Variants in PLXNA4 observed in about 807,000 individuals in gnomAD.
The protein encoded by PLXNA4 is plexin A4, also known as plexin-A4.
In PLXNA4, 44 loss-of-function variants were observed where a neutral mutation model predicts 191.8. The observed-to-expected ratio is 0.23, with a 90% CI of 0.18 to 0.29. PLXNA4 has a LOEUF of 0.29. Ranked by LOEUF, PLXNA4 falls within the 10% of genes least tolerant of loss-of-function variation. The pLI is 1.00. For synonymous variants in PLXNA4, 1,082 were observed against 1,009.5 expected (o/e 1.07, Z -1.36); for missense variants, 1,800 against 2,488.8 (o/e 0.72, Z 5.89).
intron 9 of PLXNA4, among the ~76,000 whole-genome samples, chr7:132,222,412 G>A (rs1190714933): frequency 1.3e-5 from 2 of 152,224 alleles, no homozygotes; most frequent in African/African-American, 2.4e-5. Context: ...AGTGGGGTAT[G>A]AGTCTGGGAT....
At chr7:132,192,697 A>C (rs1797130882) in intron 14 of PLXNA4, among the ~76,000 whole-genome samples, 1 of 152,156 alleles carries the variant, frequency 6.6e-6, no homozygotes, top group African/African-American at 2.4e-5. Flanking sequence ...AATCATGAGG[A>C]AATTATACCA....
At chr7:132,265,691 A>C (rs1199774283) in intron 4 of PLXNA4, among the ~76,000 whole-genome samples, 1 of 152,214 alleles carries the variant, frequency 6.6e-6, no homozygotes, top group African/African-American at 2.4e-5. Flanking sequence ...AGACCCTAGC[A>C]GATACACATG....
At chr7:132,584,122 G>A (rs183658904) in intron 2 of PLXNA4, among the ~76,000 whole-genome samples, 1 of 152,194 alleles carries the variant, frequency 6.6e-6, no homozygotes, top group Non-Finnish European at 1.5e-5. Context: ...GGCCTGCCCA[G>A]TTCTCAAATG....
At chr7:132,335,458 T>C (rs554825801) in intron 3 of PLXNA4, among the ~76,000 whole-genome samples, 1 of 152,330 alleles carries the variant, frequency 6.6e-6, no homozygotes, top group South Asian at 2.1e-4. Flanking sequence ...TCACTAGAGT[T>C]CATTCTCCTT....
intron 4 of PLXNA4, among the ~76,000 whole-genome samples, chr7:132,279,636 G>C (rs73157254): frequency 0.022 from 3,377 of 152,032 alleles, 57 homozygotes; most frequent in Middle Eastern, 0.041. Context: ...CTCTGTCTCA[G>C]CGAAGAAAAA....
chr7:132,497,183 T>G (rs1363177856), intron 2 of PLXNA4, among the ~76,000 whole-genome samples: 2 of 151,908 alleles, frequency 1.3e-5, no homozygotes, highest in Non-Finnish European at 2.9e-5. Context: ...ACACCTCCAC[T>G]GGAAATGGGG....
At position 132,330,677 on chromosome 7, in the gene PLXNA4, G is replaced by A. The variant is rs988576264; in HGVS notation, c.1372-32455C>T. Reference sequence around the variant, plus strand: ...AACTCTTAGGGAAATGACATGGCTGGTCAATGGCTGAGTGTCCCAGCTGTG... The same window carrying A: ...AACTCTTAGGGAAATGACATGGCTGATCAATGGCTGAGTGTCCCAGCTGTG... On this transcript the variant is annotated intron_variant, in intron 3 of 31. Transcript: ENST00000321063. Among the ~76,000 whole-genome samples, 11 of 152,290 alleles carry A rather than the reference G, an allele frequency of 7.2e-5. No individual in the cohort carries two copies. The South Asian group carries it at 2.1e-3, about 29-fold the overall frequency.
chr7:132,524,505 A>G (rs554712947), intron 1 of PLXNA4, among the ~76,000 whole-genome samples: 2 of 152,344 alleles, frequency 1.3e-5, no homozygotes, highest in Admixed American at 1.3e-4. Flanking sequence ...ATTATATAAA[A>G]CAGTGAAGGG....
At chr7:132,252,310 T>TTTTTTG (rs1799280091) in intron 4 of PLXNA4, among the ~76,000 whole-genome samples, 1 of 116,128 alleles carries the variant, frequency 8.6e-6, no homozygotes, top group African/African-American at 3.8e-5. Context: ...TTTTTTTTTT[T>TTTTTTG]TTTTTTTTTT....
chr7:132,517,210 G>A (rs1798976561), intron 1 of PLXNA4, among the ~76,000 whole-genome samples: 2 of 152,218 alleles, frequency 1.3e-5, no homozygotes, highest in South Asian at 4.1e-4. Flanking sequence ...TATGAAGTCA[G>A]TGAGAGGTGG....
intron 3 of PLXNA4, among the ~76,000 whole-genome samples, chr7:132,416,679 A>C (rs956070226): frequency 3.9e-5 from 6 of 152,236 alleles, no homozygotes; most frequent in Non-Finnish European, 7.3e-5. Flanking sequence ...CAAGAATGAG[A>C]CATTGAACAT....
intron 4 of PLXNA4, among the ~76,000 whole-genome samples, chr7:132,245,334 T>C (rs1352606004): frequency 6.6e-6 from 1 of 152,014 alleles, no homozygotes; most frequent in African/African-American, 2.4e-5. Flanking sequence ...CTAGCAAAGG[T>C]GTTGATTGAT....
intron 1 of PLXNA4, among the ~76,000 whole-genome samples, chr7:132,550,960 C>A (rs969317644): frequency 6.6e-6 from 1 of 152,232 alleles, no homozygotes; most frequent in Non-Finnish European, 1.5e-5. Flanking sequence ...CATTCTCTCC[C>A]TTTGCTAGAG....
Position 132,227,620 on chromosome 7 carries a change from C to G in PLXNA4, c.1729-16G>C. 6.2e-7 allele frequency: 1 copy of G among 1,613,114 alleles called. No homozygotes were observed. Among genetic ancestry groups the G allele is most frequent in the South Asian group, 1.1e-5 (1 of 91,016 alleles). On this transcript the variant is annotated splice_polypyrimidine_tract_variant and intron_variant, in intron 6 of 31. Transcript: ENST00000321063. The stretch of plus-strand genomic sequence containing the variant: ...CCAGGACCAGCTGTGAACAGCCAGG[C>G]GGGGGGAGAGAAGGAGGAGGGTGAA...
chr7:132,500,585 A>G (rs919336237), intron 2 of PLXNA4, among the ~76,000 whole-genome samples: 1 of 152,158 alleles, frequency 6.6e-6, no homozygotes, highest in African/African-American at 2.4e-5. Flanking sequence ...CAAATCTCTC[A>G]AAAGCAGGTA....
intron 3 of PLXNA4, among the ~76,000 whole-genome samples, chr7:132,302,636 T>A (rs1801350289): frequency 6.6e-6 from 1 of 151,128 alleles, no homozygotes; most frequent in Non-Finnish European, 1.5e-5. Flanking sequence ...GAAGCCATCA[T>A]CTTGGTCAAG....
chr7:132,419,723 G>A (rs887778692), intron 3 of PLXNA4, among the ~76,000 whole-genome samples: 2 of 152,074 alleles, frequency 1.3e-5, no homozygotes, highest in Non-Finnish European at 2.9e-5. Flanking sequence ...TTCTGTAAAG[G>A]CCAGATAAGA....
At chr7:132,345,396 C>T (rs1329465827) in intron 3 of PLXNA4, among the ~76,000 whole-genome samples, 1 of 152,188 alleles carries the variant, frequency 6.6e-6, no homozygotes, top group Non-Finnish European at 1.5e-5. Context: ...TCATTCTTGC[C>T]TATTTCCTAA....
chr7:132,411,050 G>A (rs1192300535), intron 3 of PLXNA4, among the ~76,000 whole-genome samples: 1 of 152,190 alleles, frequency 6.6e-6, no homozygotes, highest in Admixed American at 6.5e-5. Flanking sequence ...AGAAACATGA[G>A]GGTTTCAATG....
Sources: allele counts gnomAD v4.1 joint callset (sites outside exome capture counted in the v4.1 genomes callset), GRCh38; gene constraint gnomAD v4.1.1; transcripts MANE v1.5; gene names NCBI Gene and HGNC (gene_info 2026-07-23, HGNC 2026-07-21).